TNFAIP8L1: variants seen among roughly 807,000 people sequenced by gnomAD.
TNFAIP8L1 encodes tumor necrosis factor alpha-induced protein 8-like protein 1.
For missense variants in TNFAIP8L1, 225 were observed against 266.1 expected (o/e 0.85, Z 1.08); for synonymous variants, 127 against 125.6 (o/e 1.01, Z -0.08).
In TNFAIP8L1 at chr19:4,651,958, T is replaced by C; in HGVS notation, c.89T>C (p.Leu30Pro). 1.2e-6 allele frequency: 2 copies of C among 1,614,100 alleles called. No individual in the cohort carries two copies. Among genetic ancestry groups the C allele is most frequent in the South Asian group, 2.2e-5 (2 of 91,086 alleles). The part of the protein sequence containing the change: ...KMASKAVVAV[L>P]VDDTSSEVLD... The stretch of plus-strand genomic sequence containing the variant: ...GCGTCCAAGGCAGTGGTGGCCGTGC[T>C]GGTGGATGACACCAGCAGTGAGGTG... Residue 30 changes from leucine (L) to proline (P), a missense_variant, in exon 2 of 2, where the codon CTG (leucine) becomes CCG (proline). Physicochemically the swap from Leu to Pro is moderately conservative, Grantham distance 98 (BLOSUM62 -3). Transcript: ENST00000327473.
At position 4,639,535 on chromosome 19, in the gene TNFAIP8L1, G is replaced by C. The variant is rs1271576510; in HGVS notation, c.-98G>C. On this transcript the variant is annotated 5_prime_UTR_variant, in exon 1 of 2. Transcript: ENST00000327473. ...CGCCCCGGCCCCGGCCCCGGCTCCG[G>C]CGCTGCTCCCACCGCCGCGGCAACG... The C allele has an allele frequency of 2.0e-5, 3 of 151,978 alleles. No homozygotes were observed. The highest frequency in any genetic ancestry group is 3.0e-5 in the Non-Finnish European group (2 of 67,796). The allele number at this position is 151,978 out of a possible 1,614,324, so 9.4% of individuals were successfully genotyped here. A position where few individuals can be genotyped will look rare whatever the true frequency, so the allele number is the denominator to read the frequency against.
rs974691237 is a variant in TNFAIP8L1, at chr19:4,653,324, G to C, written c.*894G>C. On this transcript the variant is annotated 3_prime_UTR_variant, in exon 2 of 2. Transcript: ENST00000327473. ...GTCTCAAAAAAAGAAGCGGGGGAGT[G>C]GGGGATTGAGGCCACGTGCAGTGGC... 1 of 166,986 alleles carries C rather than the reference G, an allele frequency of 6.0e-6. No homozygotes were observed. The highest frequency in any genetic ancestry group is 6.6e-5 in the Admixed American group (1 of 15,220). The allele number at this position is 166,986 out of a possible 1,614,324, so 10.3% of individuals were successfully genotyped here.
At chr19:4,640,524 G>A (rs2088249567) in intron 1 of TNFAIP8L1, 3 of 152,266 alleles carry the variant, frequency 2.0e-5, no homozygotes, top group Admixed American at 2.0e-4. Context: ...TTTGAGCTCT[G>A]CCACCCGCAT....
chr19:4,641,908 G>C lies in TNFAIP8L1; in HGVS notation c.-4+2279G>C, dbSNP rs1373040744. 2 of 152,204 alleles carry C rather than the reference G, an allele frequency of 1.3e-5. No individual in the cohort carries two copies. The highest frequency in any genetic ancestry group is 2.9e-5 in the Non-Finnish European group (2 of 68,054). 9.4% of individuals were successfully genotyped at this position (152,204 alleles called of 1,614,324 possible). A position where few individuals can be genotyped will look rare whatever the true frequency, so the allele number is the denominator to read the frequency against. On this transcript the variant is annotated intron_variant, in intron 1 of 1. Transcript: ENST00000327473. The surrounding 1 kb of genome is among the most constrained non-coding windows in gnomAD (Gnocchi z 4.6). ...ACATCACTGCTTTATAAACAGGCAAGCTCCTGACCCTCTGTGACTCAGTTT... is the reference window on the plus strand; with the variant it reads ...ACATCACTGCTTTATAAACAGGCAACCTCCTGACCCTCTGTGACTCAGTTT...
chr19:4,646,977 T>G (rs2088317898), intron 1 of TNFAIP8L1, among the ~76,000 whole-genome samples: 1 of 152,228 alleles, frequency 6.6e-6, no homozygotes, highest in Non-Finnish European at 1.5e-5. Context: ...TGGCCTTGTG[T>G]GTCTGGCTTC....
intron 1 of TNFAIP8L1, among the ~76,000 whole-genome samples, chr19:4,643,973 CA>C (rs1456996349): frequency 6.6e-6 from 1 of 152,028 alleles, no homozygotes; most frequent in East Asian, 1.9e-4. Context: ...GTAATCCCAG[CA>C]CTTTGGGTGG....
In TNFAIP8L1 at chr19:4,655,301, G is replaced by C. The variant is rs1599833292; in HGVS notation, c.*2871G>C. On this transcript the variant is annotated 3_prime_UTR_variant, in exon 2 of 2. Coordinates refer to ENST00000327473, the MANE Select transcript of TNFAIP8L1 (RefSeq NM_152362.3). The stretch of plus-strand genomic sequence containing the variant: ...AAAGGCCTTGGCCAGAGAGCCAGCT[G>C]TTCCTACCTCTACCCCACGCTTCCA... The C allele has an allele frequency of 1.3e-5, 2 of 152,352 alleles. No homozygotes were observed. Among genetic ancestry groups the C allele is most frequent in the Admixed American group, 1.3e-4 (2 of 15,292 alleles). The allele number at this position is 152,352 out of a possible 1,614,324, so 9.4% of individuals were successfully genotyped here. A position where few individuals can be genotyped will look rare whatever the true frequency, so the allele number is the denominator to read the frequency against.
Position 4,645,125 on chromosome 19 carries a change from G to T in TNFAIP8L1, c.-4+5496G>T, listed in dbSNP as rs969592796. Reference sequence around the variant, plus strand: ...TGTGAGGTGCATGAAGAATTCATGGGACAGGGGTGGGGACGGCAGGGACTT... The same window carrying T: ...TGTGAGGTGCATGAAGAATTCATGGTACAGGGGTGGGGACGGCAGGGACTT... On this transcript the variant is annotated intron_variant, in intron 1 of 1. Transcript: ENST00000327473. This position sits in a 1 kb window ranked among gnomAD's most constrained non-coding sequence, Gnocchi z 4.1. 6.6e-6 allele frequency among the ~76,000 whole-genome samples: 1 copy of T among 152,188 alleles called. No individual in the cohort carries two copies. Among genetic ancestry groups the T allele is most frequent in the Non-Finnish European group, 1.5e-5 (1 of 68,040 alleles).
In TNFAIP8L1 at chr19:4,652,978, T is replaced by C. The variant is rs1258979774; in HGVS notation, c.*548T>C. 1.3e-4 allele frequency: 22 copies of C among 167,158 alleles called. No individual in the cohort carries two copies. Among genetic ancestry groups the C allele is most frequent in the Non-Finnish European group, 1.5e-5 (1 of 68,260 alleles). The allele number at this position is 167,158 out of a possible 1,614,324, so 10.4% of individuals were successfully genotyped here. A position where few individuals can be genotyped will look rare whatever the true frequency, so the allele number is the denominator to read the frequency against. On this transcript the variant is annotated 3_prime_UTR_variant, in exon 2 of 2. Transcript: ENST00000327473. ...CAGATGATCTCATCTTGGAGTAGGG[T>C]GGGCCCCAATTCAAGGACTGGGGTC... is the stretch of plus-strand genomic sequence containing the variant.
intron 1 of TNFAIP8L1, among the ~76,000 whole-genome samples, chr19:4,643,008 C>T (rs528887413): frequency 6.6e-6 from 1 of 151,936 alleles, no homozygotes; most frequent in South Asian, 2.1e-4. Flanking sequence ...TTAGGCCAGG[C>T]AGGGTGGCTC....
chr19:4,648,737 C>G (rs1258017286), intron 1 of TNFAIP8L1, among the ~76,000 whole-genome samples: 3 of 152,158 alleles, frequency 2.0e-5, no homozygotes, highest in African/African-American at 7.2e-5. Flanking sequence ...ACAGCCCTGC[C>G]TGGGGTCACG....
At position 4,652,009 on chromosome 19, in the gene TNFAIP8L1, G is replaced by A. The variant is rs781619879; in HGVS notation, c.140G>A (p.Arg47Lys). The A allele has an allele frequency of 8.1e-6, 13 of 1,613,994 alleles. No individual in the cohort carries two copies. Among genetic ancestry groups the A allele is most frequent in the Non-Finnish European group, 1.1e-5 (13 of 1,179,996 alleles). ...EVLDELYRAT[R>K]EFTRSRKEAQ... ...CTGGATGAGCTGTACCGCGCCACCA[G>A]GGAGTTCACGCGCAGCCGCAAGGAG... Residue 47 changes from arginine (R) to lysine (K), a missense_variant, in exon 2 of 2, where the codon AGG becomes AAG. Arg to Lys is a conservative substitution (Grantham distance 26, BLOSUM62 2). Transcript: ENST00000327473.
chr19:4,640,957 G>C (rs1420615388), intron 1 of TNFAIP8L1: 1 of 152,286 alleles, frequency 6.6e-6, no homozygotes, highest in Admixed American at 6.6e-5. Context: ...TGGGTGAATC[G>C]GGCACTGGCC....
At chr19:4,643,331 C>T (rs943654831) in intron 1 of TNFAIP8L1, among the ~76,000 whole-genome samples, 1 of 151,944 alleles carries the variant, frequency 6.6e-6, no homozygotes, top group Non-Finnish European at 1.5e-5. Context: ...GCTGGATGCA[C>T]CTCCTGCCAG....
At chr19:4,650,284 G>A (rs1301432853) in intron 1 of TNFAIP8L1, among the ~76,000 whole-genome samples, 1 of 151,864 alleles carries the variant, frequency 6.6e-6, no homozygotes, top group Admixed American at 6.6e-5. Context: ...AGTTTACCAG[G>A]GAAGAGGCAG....
At chr19:4,651,683 G>A (rs2088365669) in intron 1 of TNFAIP8L1, among the ~76,000 whole-genome samples, 184 bp from the exon 2 acceptor site, 1 of 152,236 alleles carries the variant, frequency 6.6e-6, no homozygotes, top group Non-Finnish European at 1.5e-5. Flanking sequence ...CTCGATCTCA[G>A]GCGATCCGCC....
rs757825646 is a variant in TNFAIP8L1, at chr19:4,652,270, A to C, written c.401A>C (p.His134Pro). ...CTGCTGCACCAGGCCGTGGGTCCCCACCTGACCGCCAAGTCCCACGGCCGC... is the reference window on the plus strand; with the variant it reads ...CTGCTGCACCAGGCCGTGGGTCCCCCCCTGACCGCCAAGTCCCACGGCCGC... The part of the protein sequence containing the change: ...RDLLHQAVGP[H>P]LTAKSHGRIN... The change falls in exon 2 of 2, where the codon CAC (histidine) becomes CCC (proline). Residue 134 changes from histidine to proline, a missense_variant. Transcript: ENST00000327473. The C allele has an allele frequency of 3.9e-5, 61 of 1,564,006 alleles. No individual in the cohort carries two copies. The highest frequency in any genetic ancestry group is 3.5e-6 in the Non-Finnish European group (4 of 1,158,218).
chr19:4,653,927 T>G lies in TNFAIP8L1; in HGVS notation c.*1497T>G, dbSNP rs535060151. On this transcript the variant is annotated 3_prime_UTR_variant, in exon 2 of 2. Transcript: ENST00000327473. ...CACTGCACTCCAGCTTGGGTGAGAG[T>G]GGGACTCTGTCTTAGAAAGAAAAAA... 2 of 149,130 alleles carry G rather than the reference T, an allele frequency of 1.3e-5. No individual in the cohort carries two copies. Among genetic ancestry groups the G allele is most frequent in the South Asian group, 4.2e-4 (2 of 4,730 alleles). 9.2% of individuals were successfully genotyped at this position (149,130 alleles called of 1,614,324 possible).
chr19:4,646,625 T>A (rs1289407558), intron 1 of TNFAIP8L1, among the ~76,000 whole-genome samples: 1 of 151,180 alleles, frequency 6.6e-6, no homozygotes, highest in Non-Finnish European at 1.5e-5. Context: ...TGGACAGGCC[T>A]CTCCTGAACA....
Sources: gnomAD v4.1 joint callset for allele counts (sites outside exome capture counted in the v4.1 genomes callset) on GRCh38, gnomAD v4.1.1 for gene constraint, Gnocchi (gnomAD v3.1) non-coding constraint, MANE v1.5 for transcripts, NCBI Gene and HGNC (gene_info 2026-07-23, HGNC 2026-07-21) for gene names.